ABHD18: variants seen among roughly 807,000 people sequenced by gnomAD.
The protein encoded by ABHD18 is abhydrolase domain containing 18, also known as cardiolipin-specific deacylase, mitochondrial.
ABHD18 carries 55 observed loss-of-function variants against 65.9 expected under a neutral mutation model. That is an observed-to-expected ratio of 0.84 (90% CI 0.67 to 1.05). ABHD18 has a LOEUF of 1.05. ABHD18 is among the 50% of genes least tolerant of loss of function. ABHD18 has a pLI of 0.00. For synonymous variants in ABHD18, 181 were observed against 180.2 expected (o/e 1.00, Z -0.04); for missense variants, 533 against 558.5 (o/e 0.95, Z 0.46).
intron 2 of ABHD18, among the ~76,000 whole-genome samples, chr4:127,983,964 G>A (rs527765256): frequency 2.0e-5 from 3 of 152,156 alleles, no homozygotes; most frequent in Non-Finnish European, 2.9e-5. Flanking sequence ...GCTTGAACCC[G>A]GGAGGCAGAG....
At chr4:128,021,320 A>T (rs1377264692) in intron 10 of ABHD18, 82 bp downstream of exon 10, 1 of 860,654 alleles carries the variant, frequency 1.2e-6, no homozygotes, top group Non-Finnish European at 1.8e-6. Flanking sequence ...TAAAGAGAAT[A>T]GCAAATTTTT....
chr4:128,008,490 G>A (rs560873920), intron 4 of ABHD18, among the ~76,000 whole-genome samples: 1 of 151,832 alleles, frequency 6.6e-6, no homozygotes, highest in African/African-American at 2.4e-5. Context: ...GATTAGGCTG[G>A]TCTCGAACTC....
intron 3 of ABHD18, among the ~76,000 whole-genome samples, chr4:127,989,176 A>C (rs899045276): frequency 6.6e-6 from 1 of 152,212 alleles, no homozygotes; most frequent in African/African-American, 2.4e-5. Context: ...CAGGCACAGA[A>C]GGACAAATTT....
chr4:127,970,038 T>G (rs1299250152), intron 1 of ABHD18, among the ~76,000 whole-genome samples: 2 of 151,774 alleles, frequency 1.3e-5, no homozygotes, highest in African/African-American at 4.8e-5. Context: ...CATGAGCCAC[T>G]GCGCCTGGCC....
intron 1 of ABHD18, among the ~76,000 whole-genome samples, chr4:127,974,242 C>T (rs562043288): frequency 1.4e-5 from 2 of 142,258 alleles, no homozygotes; most frequent in African/African-American, 2.6e-5. Flanking sequence ...CTGTCGCCCA[C>T]GCTGGAGAGC....
At chr4:127,980,341 C>T (rs1210868584) in intron 1 of ABHD18, among the ~76,000 whole-genome samples, 3 of 152,114 alleles carry the variant, frequency 2.0e-5, no homozygotes, top group Non-Finnish European at 2.9e-5. Context: ...GGACTTCCAA[C>T]CTGCAGAATT....
In ABHD18 at chr4:127,984,306, A is replaced by G. The variant is rs373413481; in HGVS notation, c.93-33A>G. 3,017 of 1,377,608 alleles carry G rather than the reference A, an allele frequency of 2.2e-3. 19 individuals carry two copies. Among genetic ancestry groups the G allele is most frequent in the Middle Eastern group, 0.014 (74 of 5,470 alleles). 85.3% of individuals were successfully genotyped at this position (1,377,608 alleles called of 1,614,324 possible). A position where few individuals can be genotyped will look rare whatever the true frequency, so the allele number is the denominator to read the frequency against. On this transcript the variant is annotated intron_variant, in intron 2 of 12. Coordinates refer to ENST00000645843, the MANE Select transcript of ABHD18 (RefSeq NM_001358451.3). ...GCTTAGTAGGTGATATAAAAGATTA[A>G]TTTTTTCCTTTTTGTCTTCTTTCCC... is the stretch of plus-strand genomic sequence containing the variant.
chr4:127,966,746 G>A (rs866650132), intron 1 of ABHD18, among the ~76,000 whole-genome samples: 21 of 139,110 alleles, frequency 1.5e-4, no homozygotes, highest in African/African-American at 5.8e-4. Context: ...AAAGCCGGGC[G>A]TGGTGGCGGG....
At chr4:128,012,254 G>A (rs1052712043) in intron 7 of ABHD18, among the ~76,000 whole-genome samples, 8 of 152,124 alleles carry the variant, frequency 5.3e-5, no homozygotes, top group African/African-American at 1.9e-4. Flanking sequence ...TGGGATTATA[G>A]GCATGAGCCA....
intron 4 of ABHD18, among the ~76,000 whole-genome samples, chr4:128,002,513 C>T (rs1752837926): frequency 6.6e-6 from 1 of 151,444 alleles, no homozygotes; most frequent in East Asian, 2.0e-4. Context: ...TTCCTGGCCT[C>T]AGGTGATCTC....
At chr4:128,033,447 A>G (rs910807504) in intron 12 of ABHD18, among the ~76,000 whole-genome samples, 5 of 152,102 alleles carry the variant, frequency 3.3e-5, no homozygotes, top group African/African-American at 1.2e-4. Flanking sequence ...AAGAAAGACA[A>G]GCATGTTGTA....
intron 1 of ABHD18, among the ~76,000 whole-genome samples, chr4:127,972,859 A>G (rs1747113948): frequency 6.6e-6 from 1 of 152,058 alleles, no homozygotes; most frequent in Admixed American, 6.6e-5. Flanking sequence ...TTTGCCTTTT[A>G]CCATTTGTTT....
At chr4:127,994,422 C>A (rs1751412323) in intron 4 of ABHD18, among the ~76,000 whole-genome samples, 2 of 152,006 alleles carry the variant, frequency 1.3e-5, no homozygotes, top group Admixed American at 1.3e-4. Flanking sequence ...ATAGTGAAAT[C>A]CTATCTCTAC....
chr4:128,009,288 A>G, intron 6 of ABHD18, 97 bp downstream of exon 6: 1 of 662,450 alleles, frequency 1.5e-6, no homozygotes, highest in African/African-American at 1.9e-5. Flanking sequence ...TTTCTAAACC[A>G]GTTAAATTTA....
chr4:127,992,323 A>T (rs1275634867), intron 4 of ABHD18, among the ~76,000 whole-genome samples: 1 of 151,934 alleles, frequency 6.6e-6, no homozygotes, highest in Non-Finnish European at 1.5e-5. Context: ...AATACAAAAA[A>T]ATTTAGCCAG....
chr4:128,021,095 C>A, intron 9 of ABHD18, 42 bp from the exon 10 acceptor site: 2 of 1,253,400 alleles, frequency 1.6e-6, no homozygotes, highest in Non-Finnish European at 2.3e-6. Flanking sequence ...GGGCAAATTG[C>A]CTTATGATGT....
intron 10 of ABHD18, among the ~76,000 whole-genome samples, chr4:128,022,204 T>G (rs1283905101): frequency 1.3e-5 from 2 of 152,214 alleles, no homozygotes; most frequent in African/African-American, 4.8e-5. Context: ...GTTGTGCACA[T>G]GTACCCTGGA....
At chr4:128,007,510 G>A (rs1029400821) in intron 4 of ABHD18, among the ~76,000 whole-genome samples, 10 of 152,012 alleles carry the variant, frequency 6.6e-5, no homozygotes, top group African/African-American at 2.4e-4. Flanking sequence ...GGGAGGCTAA[G>A]GCGGGAGGAT....
chr4:128,011,457 T>C (rs1230243360), intron 6 of ABHD18, among the ~76,000 whole-genome samples: 1 of 150,502 alleles, frequency 6.6e-6, no homozygotes, highest in East Asian at 1.9e-4. Flanking sequence ...CTATGTGATA[T>C]ATGATTATAT....
Sources: gnomAD v4.1 joint callset for allele counts (sites outside exome capture counted in the v4.1 genomes callset) on GRCh38, gnomAD v4.1.1 for gene constraint, MANE v1.5 for transcripts, NCBI Gene and HGNC (gene_info 2026-07-23, HGNC 2026-07-21) for gene names.